CLEC9A: variants seen among roughly 807,000 people sequenced by gnomAD.
The protein encoded by CLEC9A is C-type lectin domain containing 9A.
CLEC9A carries 24 observed loss-of-function variants against 30.0 expected under a neutral mutation model. The observed-to-expected ratio is 0.80, with a 90% CI of 0.58 to 1.13. The LOEUF (loss-of-function observed/expected upper bound fraction) is 1.13. Among genes scored for constraint, CLEC9A ranks in the 50% most tolerant of loss-of-function variants. CLEC9A has a pLI of 0.00. For synonymous variants in CLEC9A, 111 were observed against 96.8 expected (o/e 1.15, Z -0.86); for missense variants, 251 against 280.9 (o/e 0.89, Z 0.76).
At chr12:10,034,023 G>A (rs4764208) in intron 1 of CLEC9A, among the ~76,000 whole-genome samples, 19,436 of 152,190 alleles carry the variant, frequency 0.13, 2,201 homozygotes, top group East Asian at 0.54. Flanking sequence ...ATTTTTAAAT[G>A]TATTAATATA....
At chr12:10,051,682 A>G (rs1202997554) in intron 2 of CLEC9A, among the ~76,000 whole-genome samples, 1 of 152,198 alleles carries the variant, frequency 6.6e-6, no homozygotes, top group Non-Finnish European at 1.5e-5. Context: ...GGACTCATAG[A>G]CTATATTACT....
chr12:10,055,822 C>T (rs911265949), intron 5 of CLEC9A, among the ~76,000 whole-genome samples: 5 of 151,746 alleles, frequency 3.3e-5, no homozygotes, highest in South Asian at 4.2e-4. Context: ...TTTGGGAGGC[C>T]GAGGTGGGCG....
At position 10,030,719 on chromosome 12, in the gene CLEC9A, C is replaced by T. The variant is rs907026593; in HGVS notation, c.-571C>T. ...GGCAATCTGTGGTGAAGTTGAAATG[C>T]TTTTCTGCTAGACTGGCAACATGTT... On this transcript the variant is annotated 5_prime_UTR_variant, in exon 1 of 9. Transcript: ENST00000355819. The T allele has an allele frequency of 1.3e-5, 2 of 152,240 alleles. No homozygotes were observed. The highest frequency in any genetic ancestry group is 4.8e-5 in the African/African-American group (2 of 41,454). 9.4% of individuals were successfully genotyped at this position (152,240 alleles called of 1,614,324 possible). A position where few individuals can be genotyped will look rare whatever the true frequency, so the allele number is the denominator to read the frequency against.
At chr12:10,032,117 G>A (rs1865703012) in intron 1 of CLEC9A, among the ~76,000 whole-genome samples, 1 of 152,170 alleles carries the variant, frequency 6.6e-6, no homozygotes, top group Admixed American at 6.5e-5. Context: ...TGCTGGCAAG[G>A]ATGTGGAGCA....
chr12:10,035,673 A>T (rs935256796), intron 1 of CLEC9A, among the ~76,000 whole-genome samples: 1 of 152,142 alleles, frequency 6.6e-6, no homozygotes, highest in African/African-American at 2.4e-5. Context: ...CAGTGGCAAG[A>T]TCCACGATCT....
chr12:10,044,160 C>G (rs1453751354), intron 2 of CLEC9A, among the ~76,000 whole-genome samples: 1 of 152,116 alleles, frequency 6.6e-6, no homozygotes, highest in African/African-American at 2.4e-5. Context: ...AAGCTCTATC[C>G]TTCTACACAT....
At chr12:10,049,047 C>A (rs4399401) in intron 2 of CLEC9A, among the ~76,000 whole-genome samples, 74,033 of 151,926 alleles carry the variant, frequency 0.49, 21,925 homozygotes, top group Middle Eastern at 0.71. Context: ...GAAATGGAGG[C>A]TGTGTTAGCA....
At chr12:10,060,941 A>G in intron 5 of CLEC9A, 186 bp from the exon 6 acceptor site, 11 of 601,954 alleles carry the variant, frequency 1.8e-5, no homozygotes, top group Non-Finnish European at 2.9e-5. Flanking sequence ...GCAAAGAGAC[A>G]TTTTGTTCCA....
chr12:10,051,860 C>T (rs1292446884), intron 2 of CLEC9A, 131 bp from the exon 3 acceptor site: 1 of 152,234 alleles, frequency 6.6e-6, no homozygotes, highest in Non-Finnish European at 1.5e-5. Flanking sequence ...GCAAAAAATA[C>T]ATTTTTCAAG....
chr12:10,045,067 C>G (rs187131495), intron 2 of CLEC9A, among the ~76,000 whole-genome samples: 4 of 152,296 alleles, frequency 2.6e-5, no homozygotes, highest in Admixed American at 2.6e-4. Flanking sequence ...TGAACCTATT[C>G]CCATCCATTG....
chr12:10,057,315 A>G (rs1865951826), intron 5 of CLEC9A, among the ~76,000 whole-genome samples: 1 of 151,950 alleles, frequency 6.6e-6, no homozygotes. Context: ...TGCAAGACAA[A>G]TATGAAAACA....
At chr12:10,037,038 G>A (rs959631115) in intron 1 of CLEC9A, among the ~76,000 whole-genome samples, 2 of 152,150 alleles carry the variant, frequency 1.3e-5, no homozygotes, top group Admixed American at 1.3e-4. Flanking sequence ...CACCTACCTT[G>A]TAAATAAAGA....
chr12:10,056,706 G>A (rs1046834012), intron 5 of CLEC9A, among the ~76,000 whole-genome samples: 16 of 151,850 alleles, frequency 1.1e-4, no homozygotes, highest in South Asian at 2.1e-4. Flanking sequence ...TTTACTTTTC[G>A]GATTTTTTTA....
rs540092680 is a variant in CLEC9A, at chr12:10,055,244, A to G, written c.172+893A>G. On this transcript the variant is annotated intron_variant, in intron 5 of 8. Coordinates refer to ENST00000355819, the MANE Select transcript of CLEC9A (RefSeq NM_207345.4). The stretch of plus-strand genomic sequence containing the variant: ...AAGACAGCTTTCTTTTTCTCTATCT[A>G]CTCTCTTTGGGTCTTATTAAAAAAT... 1.6e-4 allele frequency among the ~76,000 whole-genome samples: 25 copies of G among 152,120 alleles called. No homozygotes were observed. In the South Asian group the frequency reaches 3.9e-3, roughly 24 times the overall value.
chr12:10,064,696 T>C, intron 7 of CLEC9A, 36 bp from the exon 8 acceptor site: 6 of 1,559,296 alleles, frequency 3.8e-6, no homozygotes, highest in Non-Finnish European at 3.5e-6. Context: ...TGTTTGTTTG[T>C]TTTTCTCATT....
intron 1 of CLEC9A, among the ~76,000 whole-genome samples, chr12:10,034,735 T>C (rs1865729794): frequency 6.6e-6 from 1 of 152,246 alleles, no homozygotes; most frequent in East Asian, 1.9e-4. Flanking sequence ...CTCAGACCTC[T>C]AGGGGAGGGG....
At chr12:10,039,063 C>T (rs1865769004) in intron 1 of CLEC9A, among the ~76,000 whole-genome samples, 1 of 152,226 alleles carries the variant, frequency 6.6e-6, no homozygotes, top group African/African-American at 2.4e-5. Context: ...AGGGGTGAGC[C>T]TTCCCCATAG....
intron 5 of CLEC9A, among the ~76,000 whole-genome samples, chr12:10,056,750 A>G (rs149665689): frequency 7.2e-5 from 11 of 152,294 alleles, no homozygotes; most frequent in African/African-American, 1.4e-4. Flanking sequence ...GTATATATTT[A>G]AAAAATGTTA....
chr12:10,034,312 T>TA (rs1302760053), intron 1 of CLEC9A, among the ~76,000 whole-genome samples: 1 of 152,164 alleles, frequency 6.6e-6, no homozygotes, highest in African/African-American at 2.4e-5. Context: ...TGGATTATCT[T>TA]AAAAAAAGGA....
Sources: allele counts gnomAD v4.1 joint callset (sites outside exome capture counted in the v4.1 genomes callset), GRCh38; gene constraint gnomAD v4.1.1; transcripts MANE v1.5; gene names NCBI Gene and HGNC (gene_info 2026-07-23, HGNC 2026-07-21).